The following TNFRSF10B variants were observed in gnomAD, a reference collection of about 807,000 sequenced individuals.
TNFRSF10B encodes TNF receptor superfamily member 10b.
In TNFRSF10B, 35 loss-of-function variants were observed where a neutral mutation model predicts 41.4. That is an observed-to-expected ratio of 0.85 (90% CI 0.65 to 1.12). The LOEUF is 1.12. TNFRSF10B is among the 50% of genes most tolerant of loss of function. The probability of loss-of-function intolerance (pLI) is 0.00; values close to 1 mark genes in which losing one functional copy is unlikely to be tolerated. For missense variants in TNFRSF10B, 584 were observed against 552.7 expected, an observed-to-expected ratio of 1.06 and a Z score of -0.57; for synonymous variants, 230 against 215.5, an observed-to-expected ratio of 1.07 and a Z score of -0.59.
intron 1 of TNFRSF10B, among the ~76,000 whole-genome samples, chr8:23,045,740 T>C (rs756201975): frequency 1.3e-5 from 2 of 152,158 alleles, no homozygotes; most frequent in African/African-American, 2.4e-5. Flanking sequence ...TCATTGACCA[T>C]GATAAAATGG....
In TNFRSF10B at chr8:23,069,013, T is replaced by A. The variant is rs1056638727; in HGVS notation, c.-119A>T. 10 of 1,512,084 alleles carry A rather than the reference T, an allele frequency of 6.6e-6. No individual in the cohort carries two copies. The highest frequency in any genetic ancestry group is 1.9e-4 in the Middle Eastern group (1 of 5,382). 93.7% of individuals were successfully genotyped at this position (1,512,084 alleles called of 1,614,324 possible). On this transcript the variant is annotated 5_prime_UTR_variant, in exon 1 of 9. Transcript: ENST00000276431. Reference sequence around the variant, plus strand: ...ATTGCGGGGTTCTCCGGCCGCGTGCTGATTTATGTGTCCAGGCTGACTTGG... The same window carrying A: ...ATTGCGGGGTTCTCCGGCCGCGTGCAGATTTATGTGTCCAGGCTGACTTGG...
chr8:23,068,999 C>T lies in TNFRSF10B; in HGVS notation c.-105G>A. ...TTGTGGGCGCAGAGATTGCGGGGTT[C>T]TCCGGCCGCGTGCTGATTTATGTGT... On this transcript the variant is annotated 5_prime_UTR_variant, in exon 1 of 9. Coordinates refer to ENST00000276431, the MANE Select transcript of TNFRSF10B (RefSeq NM_003842.5). 1 of 1,573,634 alleles carries T rather than the reference C, an allele frequency of 6.4e-7. No homozygotes were observed. Among genetic ancestry groups the T allele is most frequent in the Non-Finnish European group, 8.7e-7 (1 of 1,154,336 alleles).
chr8:23,059,290 T>C (rs1459438587), intron 1 of TNFRSF10B, among the ~76,000 whole-genome samples: 1 of 152,236 alleles, frequency 6.6e-6, no homozygotes, highest in African/African-American at 2.4e-5. Context: ...AATACTGCTA[T>C]AAACGTGGGT....
At chr8:23,052,687 A>G (rs1812561011) in intron 1 of TNFRSF10B, among the ~76,000 whole-genome samples, 1 of 152,256 alleles carries the variant, frequency 6.6e-6, no homozygotes, top group African/African-American at 2.4e-5. Flanking sequence ...GAAAGTTATA[A>G]AAATAAGGAG....
intron 2 of TNFRSF10B, among the ~76,000 whole-genome samples, chr8:23,031,525 C>T (rs927738050): frequency 6.6e-6 from 1 of 151,934 alleles, no homozygotes; most frequent in East Asian, 1.9e-4. Flanking sequence ...ATAGCTGGGA[C>T]TACAGGTGCA....
At chr8:23,063,494 C>T (rs1295479041) in intron 1 of TNFRSF10B, among the ~76,000 whole-genome samples, 3 of 152,040 alleles carry the variant, frequency 2.0e-5, no homozygotes, top group African/African-American at 7.3e-5. Flanking sequence ...TTCTTAAAGC[C>T]ATTTATGCCC....
At chr8:23,046,240 G>T (rs1279919490) in intron 1 of TNFRSF10B, among the ~76,000 whole-genome samples, 2 of 152,070 alleles carry the variant, frequency 1.3e-5, no homozygotes, top group African/African-American at 4.8e-5. Flanking sequence ...AATTCAGTAA[G>T]GTTGTGGGAT....
intron 1 of TNFRSF10B, among the ~76,000 whole-genome samples, chr8:23,066,480 T>TG (rs886751601): frequency 6.6e-6 from 1 of 151,698 alleles, no homozygotes; most frequent in African/African-American, 2.4e-5. Flanking sequence ...TAGAAAATGA[T>TG]GGGGGAAAAA....
intron 1 of TNFRSF10B, among the ~76,000 whole-genome samples, chr8:23,064,409 T>A (rs1433144392): frequency 6.6e-6 from 1 of 152,232 alleles, no homozygotes; most frequent in Non-Finnish European, 1.5e-5. Flanking sequence ...AGGACGAGGC[T>A]GTGCCGTCCG....
At chr8:23,027,694 C>T (rs758534410) in intron 6 of TNFRSF10B, 28 bp downstream of exon 6, 4 of 1,613,924 alleles carry the variant, frequency 2.5e-6, no homozygotes, top group South Asian at 2.2e-5. Flanking sequence ...AACCCCTGAG[C>T]CCCCAGCTCC....
At chr8:23,055,456 T>A (rs1303282536) in intron 1 of TNFRSF10B, among the ~76,000 whole-genome samples, 1 of 149,098 alleles carries the variant, frequency 6.7e-6, no homozygotes, top group Non-Finnish European at 1.5e-5. Context: ...CAGGTTTCAC[T>A]AATGCAGGCC....
chr8:23,063,609 C>T (rs1231294590), intron 1 of TNFRSF10B, among the ~76,000 whole-genome samples: 1 of 152,176 alleles, frequency 6.6e-6, no homozygotes, highest in Non-Finnish European at 1.5e-5. Flanking sequence ...CATTGCATCA[C>T]CGGCCTGCGT....
At chr8:23,035,287 G>A (rs1252464785) in intron 2 of TNFRSF10B, among the ~76,000 whole-genome samples, 1 of 152,038 alleles carries the variant, frequency 6.6e-6, no homozygotes, top group Non-Finnish European at 1.5e-5. Context: ...GATTACCCAT[G>A]TGTGCCACCA....
intron 4 of TNFRSF10B, among the ~76,000 whole-genome samples, chr8:23,028,887 G>A (rs1446153628): frequency 6.6e-6 from 1 of 152,184 alleles, no homozygotes; most frequent in African/African-American, 2.4e-5. Context: ...TGCAGGGGAG[G>A]CCTGCGTTAG....
rs539291119 is a variant in TNFRSF10B at position 23,020,279 on chromosome 8, G to A, written c.*2392C>T. ...AGAAGCATGAAAGGACACCAACCAC[G>A]AGTGACACACTATACTATGGCTGTC... On this transcript the variant is annotated 3_prime_UTR_variant, in exon 9 of 9. Transcript: ENST00000276431. 265 of 454,076 alleles carry A rather than the reference G, an allele frequency of 5.8e-4. No individual in the cohort carries two copies. The highest frequency in any genetic ancestry group is 8.2e-4 in the Non-Finnish European group (186 of 226,770). The allele number at this position is 454,076 out of a possible 1,614,324, so 28.1% of individuals were successfully genotyped here.
At chr8:23,068,608 T>A (rs1042944982) in intron 1 of TNFRSF10B, 143 bp downstream of exon 1, 2 of 1,330,068 alleles carry the variant, frequency 1.5e-6, no homozygotes, top group Middle Eastern at 4.7e-4. Flanking sequence ...TTCCCCCGAC[T>A]CCGACGACTG....
chr8:23,032,294 A>C (rs556115764), intron 2 of TNFRSF10B, among the ~76,000 whole-genome samples: 3 of 152,232 alleles, frequency 2.0e-5, no homozygotes, highest in Admixed American at 6.5e-5. Context: ...AAGATACACC[A>C]GGAGCAGAAG....
intron 8 of TNFRSF10B, 82 bp downstream of exon 8, chr8:23,024,106 C>T (rs1333423946): frequency 1.5e-5 from 23 of 1,564,056 alleles, no homozygotes; most frequent in Non-Finnish European, 1.9e-5. Context: ...CTGGAAGAGC[C>T]CTCTGACCTC....
chr8:23,030,976 G>C lies in TNFRSF10B; in HGVS notation c.251-104C>G, dbSNP rs76767298. 821 of 794,304 alleles carry C rather than the reference G, an allele frequency of 1.0e-3. 3 individuals are homozygous for C. The African/African-American group carries it at 0.013, about 12-fold the overall frequency. 49.2% of individuals were successfully genotyped at this position (794,304 alleles called of 1,614,324 possible). On this transcript the variant is annotated intron_variant, in intron 2 of 8. Transcript: ENST00000276431. ...CTTTCAGGGATGTGTGGAACCAAAA[G>C]AGGGAAATCTCCTCTACCTAGCTTG...
Sources: gnomAD v4.1 joint callset for allele counts (sites outside exome capture counted in the v4.1 genomes callset) on GRCh38, gnomAD v4.1.1 for gene constraint, MANE v1.5 for transcripts, NCBI Gene and HGNC (gene_info 2026-07-23, HGNC 2026-07-21) for gene names.